Variants in SHQ1 observed in about 807,000 individuals in gnomAD.
The protein encoded by SHQ1 is SHQ1, H/ACA ribonucleoprotein assembly factor, also known as protein SHQ1 homolog.
SHQ1 carries 49 observed loss-of-function variants against 53.8 expected under a neutral mutation model. That is an observed-to-expected ratio of 0.91 (90% CI 0.72 to 1.16). The LOEUF is 1.16. SHQ1 is among the 50% of genes most tolerant of loss of function. The pLI, the probability that SHQ1 is intolerant of heterozygous loss-of-function variation, is 0.00. For synonymous variants in SHQ1, 243 were observed against 251.0 expected, an observed-to-expected ratio of 0.97 and a Z score of 0.30; for missense variants, 738 against 683.1, an observed-to-expected ratio of 1.08 and a Z score of -0.90.
rs989652620 is a variant in SHQ1 at position 72,756,676 on chromosome 3, A to T, written c.1182-5840T>A. ...CTGCATTTAAAAGAGACAATTGGATACCACTGCTGTCATATTTTAATAAAA... is the reference window on the plus strand; with the variant it reads ...CTGCATTTAAAAGAGACAATTGGATTCCACTGCTGTCATATTTTAATAAAA... On this transcript the variant is annotated intron_variant, in intron 10 of 10. Coordinates refer to ENST00000325599, the MANE Select transcript of SHQ1 (RefSeq NM_018130.3). 5.9e-5 allele frequency among the ~76,000 whole-genome samples: 9 copies of T among 152,226 alleles called. 1 individual carries two copies. Among genetic ancestry groups the T allele is most frequent in the Non-Finnish European group, 1.3e-4 (9 of 68,044 alleles).
chr3:72,766,598 C>T (rs967630658), intron 10 of SHQ1, among the ~76,000 whole-genome samples: 3 of 152,304 alleles, frequency 2.0e-5, no homozygotes, highest in African/African-American at 7.2e-5. Flanking sequence ...AGGAATGTGT[C>T]ATTCTACAAC....
chr3:72,779,167 C>T (rs1055492116), intron 10 of SHQ1, among the ~76,000 whole-genome samples: 2 of 152,172 alleles, frequency 1.3e-5, no homozygotes, highest in African/African-American at 4.8e-5. Flanking sequence ...ACTAAATCAT[C>T]AGCCTTTTCT....
chr3:72,826,456 C>A (rs549731088), intron 5 of SHQ1, among the ~76,000 whole-genome samples: 2 of 152,208 alleles, frequency 1.3e-5, no homozygotes, highest in Non-Finnish European at 2.9e-5. Flanking sequence ...ATAAGTCATT[C>A]ATTCAACAGA....
Position 72,824,405 on chromosome 3 carries a change from C to A in SHQ1, c.727+19G>T. 6.2e-7 allele frequency: 1 copy of A among 1,608,266 alleles called. No homozygotes were observed. Among genetic ancestry groups the A allele is most frequent in the Non-Finnish European group, 8.5e-7 (1 of 1,178,882 alleles). On this transcript the variant is annotated intron_variant, in intron 6 of 10. Transcript: ENST00000325599. ...GAGATTTTAAAATGAAACAAATTAG[C>A]CGAATTTGAGTTTCTTACCTAATGT...
At chr3:72,745,033 CATTTA>C (rs1291988553), downstream of SHQ1, among the ~76,000 whole-genome samples, 1 of 151,640 alleles carries the variant, frequency 6.6e-6, no homozygotes, top group African/African-American at 2.4e-5. Context: ...AACTCATTTC[CATTTA>C]TTTTAGAGAT....
At chr3:72,769,495 C>T (rs1317607) in intron 10 of SHQ1, among the ~76,000 whole-genome samples, 3,055 of 152,200 alleles carry the variant, frequency 0.02, 104 homozygotes, top group African/African-American at 0.071. Flanking sequence ...GCTTCCAGAC[C>T]CAGAACAATT....
At chr3:72,757,801 C>A (rs1224365518) in intron 10 of SHQ1, among the ~76,000 whole-genome samples, 1 of 152,012 alleles carries the variant, frequency 6.6e-6, no homozygotes, top group Non-Finnish European at 1.5e-5. Context: ...TAGAGGGGAA[C>A]AACACACACC....
At chr3:72,764,081 GA>G (rs973827522) in intron 10 of SHQ1, among the ~76,000 whole-genome samples, 19 of 151,488 alleles carry the variant, frequency 1.3e-4, no homozygotes, top group African/African-American at 4.4e-4. Context: ...GTAATAACAT[GA>G]GGGGAATAGA....
At chr3:72,845,635 C>T (rs1038230887) in intron 1 of SHQ1, among the ~76,000 whole-genome samples, 2 of 152,144 alleles carry the variant, frequency 1.3e-5, no homozygotes, top group Non-Finnish European at 2.9e-5. Context: ...TCTATGGCTG[C>T]CTCATGTTGC....
At chr3:72,787,024 G>T (rs1421814149) in intron 10 of SHQ1, among the ~76,000 whole-genome samples, 1 of 152,150 alleles carries the variant, frequency 6.6e-6, no homozygotes, top group Non-Finnish European at 1.5e-5. Flanking sequence ...GCAATCATAA[G>T]GTCTTAAGCT....
intron 10 of SHQ1, among the ~76,000 whole-genome samples, chr3:72,760,651 C>T (rs1343543596): frequency 6.6e-6 from 1 of 152,222 alleles, no homozygotes; most frequent in Non-Finnish European, 1.5e-5. Flanking sequence ...TCTCTTTCAA[C>T]TGCTTACAGG....
chr3:72,766,851 G>A lies in SHQ1; in HGVS notation c.1182-16015C>T, dbSNP rs574037051. Among the ~76,000 whole-genome samples, 3 of 152,274 alleles carry A rather than the reference G, an allele frequency of 2.0e-5. No homozygotes were observed. In the South Asian group the frequency reaches 6.2e-4, roughly 32 times the overall value. The stretch of plus-strand genomic sequence containing the variant: ...GATAACTGAGTCCAGGTTGTCCAGC[G>A]GGCTTCACATAATGATGGAAACGTG... On this transcript the variant is annotated intron_variant, in intron 10 of 10. Coordinates refer to ENST00000325599, the MANE Select transcript of SHQ1 (RefSeq NM_018130.3).
At chr3:72,783,469 C>T (rs1706133621) in intron 10 of SHQ1, among the ~76,000 whole-genome samples, 1 of 150,298 alleles carries the variant, frequency 6.7e-6, no homozygotes, top group African/African-American at 2.5e-5. Context: ...GGTTCAAGCA[C>T]ATGCCATCAT....
At chr3:72,730,945 C>G in the SHQ1 span, among the ~76,000 whole-genome samples, 1 of 145,022 alleles carries the variant, frequency 6.9e-6, no homozygotes, top group African/African-American at 2.5e-5. Context: ...AGTATCATTT[C>G]TAGTAGCTCT....
At chr3:72,776,064 A>C (rs749812541) in intron 10 of SHQ1, among the ~76,000 whole-genome samples, 23 of 152,244 alleles carry the variant, frequency 1.5e-4, no homozygotes, top group Non-Finnish European at 1.8e-4. Context: ...AAGAATATAA[A>C]GACTGAAAAG....
intron 4 of SHQ1, among the ~76,000 whole-genome samples, chr3:72,832,682 A>G (rs770621273): frequency 6.6e-6 from 1 of 152,208 alleles, no homozygotes; most frequent in Non-Finnish European, 1.5e-5. Context: ...TTTCTCATAA[A>G]TTATCTCATT....
At chr3:72,837,817 C>CTTT (rs1575737395) in intron 4 of SHQ1, among the ~76,000 whole-genome samples, 1 of 152,228 alleles carries the variant, frequency 6.6e-6, no homozygotes, top group Non-Finnish European at 1.5e-5. Context: ...CTGCCATAAA[C>CTTT]AGCAGCTGTG....
At chr3:72,767,226 TA>T (rs2106731763) in intron 10 of SHQ1, among the ~76,000 whole-genome samples, 1 of 152,308 alleles carries the variant, frequency 6.6e-6, no homozygotes, top group South Asian at 2.1e-4. Context: ...GAATTCTCCA[TA>T]TTCCACCAAT....
chr3:72,829,094 T>A (rs187272794), intron 5 of SHQ1, among the ~76,000 whole-genome samples: 3 of 150,670 alleles, frequency 2.0e-5, no homozygotes, highest in Non-Finnish European at 2.9e-5. Flanking sequence ...TCAGGATTGA[T>A]TGAATGTGTG....
Sources: allele counts gnomAD v4.1 joint callset (sites outside exome capture counted in the v4.1 genomes callset), GRCh38; gene constraint gnomAD v4.1.1; transcripts MANE v1.5; gene names NCBI Gene and HGNC (gene_info 2026-07-23, HGNC 2026-07-21).